OSBPL10: variants seen among roughly 807,000 people sequenced by gnomAD.
The protein encoded by OSBPL10 is oxysterol binding protein like 10, also known as oxysterol-binding protein-related protein 10.
A neutral mutation model predicts 81.7 loss-of-function variants in OSBPL10; 49 were observed. The ratio of observed to expected loss-of-function variants is 0.60; its 90% confidence interval spans 0.48 to 0.76. The LOEUF is 0.76. Ranked by LOEUF, OSBPL10 falls within the 30% of genes least tolerant of loss-of-function variation. The pLI is 0.00. For synonymous variants in OSBPL10, 419 were observed against 383.6 expected (o/e 1.09, Z -1.08); for missense variants, 923 against 987.8 (o/e 0.93, Z 0.88).
chr3:31,689,360 T>C (rs1189114355), intron 7 of OSBPL10, among the ~76,000 whole-genome samples: 1 of 152,164 alleles, frequency 6.6e-6, no homozygotes, highest in Non-Finnish European at 1.5e-5. Flanking sequence ...AAATTTACCA[T>C]GGGCTGAATA....
chr3:31,685,014 G>A (rs1700755962), intron 7 of OSBPL10, among the ~76,000 whole-genome samples: 1 of 152,060 alleles, frequency 6.6e-6, no homozygotes, highest in Non-Finnish European at 1.5e-5. Flanking sequence ...CACTCAGGGG[G>A]CTCTACAACC....
chr3:31,864,668 G>T (rs575302196), intron 3 of OSBPL10, among the ~76,000 whole-genome samples: 11 of 152,106 alleles, frequency 7.2e-5, no homozygotes, highest in Admixed American at 1.3e-4. Context: ...GGGTGCTTGG[G>T]GAGCTGTTTG....
chr3:32,041,783 A>G (rs1313608007), intron 2 of OSBPL10, among the ~76,000 whole-genome samples: 1 of 151,936 alleles, frequency 6.6e-6, no homozygotes, highest in Non-Finnish European at 1.5e-5. Flanking sequence ...TCAATCTCCC[A>G]GGTAGCTGGG....
intron 4 of OSBPL10, among the ~76,000 whole-genome samples, chr3:31,820,544 G>A (rs548033471): frequency 9.2e-5 from 14 of 151,926 alleles, no homozygotes; most frequent in Admixed American, 6.6e-4. Context: ...GCAGTGAGCC[G>A]AGATCACGCC....
chr3:31,772,171 C>T (rs1450666564), intron 4 of OSBPL10, among the ~76,000 whole-genome samples: 3 of 152,160 alleles, frequency 2.0e-5, no homozygotes, highest in Non-Finnish European at 4.4e-5. Flanking sequence ...TTAGGTTACC[C>T]CGAACCTCTG....
At chr3:31,731,615 A>G (rs571065122) in intron 6 of OSBPL10, among the ~76,000 whole-genome samples, 33 of 151,970 alleles carry the variant, frequency 2.2e-4, no homozygotes, top group African/African-American at 8.0e-4. Flanking sequence ...CAGCCTCCCA[A>G]GTAGCTGGGA....
intron 4 of OSBPL10, among the ~76,000 whole-genome samples, chr3:31,801,705 GA>G (rs1376860028): frequency 6.6e-6 from 1 of 152,188 alleles, no homozygotes; most frequent in East Asian, 1.9e-4. Flanking sequence ...AAGAAGCCAC[GA>G]ATGCCTTCAA....
chr3:31,833,705 G>GCACACACGCA (rs1700303034), intron 3 of OSBPL10, among the ~76,000 whole-genome samples: 1 of 137,962 alleles, frequency 7.2e-6, no homozygotes, highest in African/African-American at 2.7e-5. Context: ...ACACGCACAC[G>GCACACACGCA]CACACACACA....
intron 4 of OSBPL10, among the ~76,000 whole-genome samples, chr3:31,785,033 T>C (rs1698827127): frequency 6.6e-6 from 1 of 151,950 alleles, no homozygotes; most frequent in South Asian, 2.1e-4. Flanking sequence ...TATAGGTACC[T>C]GCCAACACAC....
chr3:31,767,912 A>C (rs1160315374), intron 4 of OSBPL10, among the ~76,000 whole-genome samples: 2 of 152,180 alleles, frequency 1.3e-5, no homozygotes, highest in African/African-American at 4.8e-5. Context: ...AGGAATTCAA[A>C]AGCCAGCCTA....
intron 7 of OSBPL10, among the ~76,000 whole-genome samples, chr3:31,697,974 G>C (rs1015949078): frequency 1.3e-5 from 2 of 151,842 alleles, no homozygotes; most frequent in African/African-American, 4.8e-5. Flanking sequence ...ATGTTGGCCA[G>C]GCTGGTCTCG....
chr3:31,765,329 C>T (rs1242169692), intron 4 of OSBPL10, among the ~76,000 whole-genome samples: 2 of 152,110 alleles, frequency 1.3e-5, no homozygotes, highest in East Asian at 1.9e-4. Flanking sequence ...AGTCACTGTG[C>T]CCAGCCTCTA....
At chr3:31,944,350 A>G (rs1016165624) in intron 1 of OSBPL10, among the ~76,000 whole-genome samples, 1 of 152,214 alleles carries the variant, frequency 6.6e-6, no homozygotes, top group Non-Finnish European at 1.5e-5. Flanking sequence ...ATATAAAAGA[A>G]CAGCTTCCAA....
chr3:32,054,414 T>C (rs1300325639), intron 1 of OSBPL10, among the ~76,000 whole-genome samples: 1 of 152,040 alleles, frequency 6.6e-6, no homozygotes, highest in Non-Finnish European at 1.5e-5. Flanking sequence ...TCCAAAATTA[T>C]TTGAAACTCC....
intron 3 of OSBPL10, among the ~76,000 whole-genome samples, chr3:31,870,169 G>A (rs775481143): frequency 6.6e-6 from 1 of 152,258 alleles, no homozygotes; most frequent in African/African-American, 2.4e-5. Flanking sequence ...TTGCGGGCCA[G>A]CTGGAGTTCC....
At chr3:31,902,327 A>G (rs554878634) in intron 1 of OSBPL10, among the ~76,000 whole-genome samples, 40 of 141,050 alleles carry the variant, frequency 2.8e-4, no homozygotes, top group African/African-American at 1.0e-3. Context: ...CAGTGGCACC[A>G]TCTCGGCTTA....
chr3:31,869,000 A>G (rs1701251458), intron 3 of OSBPL10, among the ~76,000 whole-genome samples: 1 of 152,216 alleles, frequency 6.6e-6, no homozygotes, highest in Admixed American at 6.5e-5. Flanking sequence ...TAAAAAGCAA[A>G]GTTGTTTTCC....
At chr3:31,896,808 A>G (rs1165695122) in intron 1 of OSBPL10, among the ~76,000 whole-genome samples, 1 of 152,186 alleles carries the variant, frequency 6.6e-6, no homozygotes, top group Non-Finnish European at 1.5e-5. Flanking sequence ...TCCACAGGCC[A>G]CAGGAGGCAG....
At chr3:32,047,238 A>G (rs1230999510) in intron 1 of OSBPL10, among the ~76,000 whole-genome samples, 1 of 152,054 alleles carries the variant, frequency 6.6e-6, no homozygotes, top group Non-Finnish European at 1.5e-5. Flanking sequence ...CAGCCTCCCA[A>G]AATGCTAGGA....
Sources: allele counts gnomAD v4.1 joint callset (sites outside exome capture counted in the v4.1 genomes callset), GRCh38; gene constraint gnomAD v4.1.1; transcripts MANE v1.5; gene names NCBI Gene and HGNC (gene_info 2026-07-23, HGNC 2026-07-21).